Variants in NRG3 observed in about 807,000 individuals in gnomAD.
NRG3 encodes pro-neuregulin-3, membrane-bound isoform.
In NRG3, 31 loss-of-function variants were observed where a neutral mutation model predicts 66.9. The observed-to-expected ratio is 0.46, with a 90% confidence interval of 0.35 to 0.63. NRG3 has a LOEUF of 0.63. Ranked by LOEUF, NRG3 falls within the 20% of genes least tolerant of loss-of-function variation. The probability of loss-of-function intolerance (pLI) is 0.00; values close to 1 mark genes in which losing one functional copy is unlikely to be tolerated. For missense variants in NRG3, 910 were observed against 878.9 expected, an observed-to-expected ratio of 1.04 and a Z score of -0.45; for synonymous variants, 393 against 359.4, an observed-to-expected ratio of 1.09 and a Z score of -1.06.
At chr10:82,536,501 A>T (rs1165905303) in intron 2 of NRG3, among the ~76,000 whole-genome samples, 1 of 152,116 alleles carries the variant, frequency 6.6e-6, no homozygotes, top group Non-Finnish European at 1.5e-5. Flanking sequence ...GGGATGGGGA[A>T]TTGAGGTGTC....
At chr10:82,589,702 T>C (rs2046874154) in intron 2 of NRG3, among the ~76,000 whole-genome samples, 1 of 152,180 alleles carries the variant, frequency 6.6e-6, no homozygotes, top group South Asian at 2.1e-4. Context: ...AAGCTTAGAA[T>C]ACAATGAATC....
intron 2 of NRG3, among the ~76,000 whole-genome samples, chr10:82,422,654 A>C (rs1414163956): frequency 6.6e-6 from 1 of 151,938 alleles, no homozygotes; most frequent in African/African-American, 2.4e-5. Flanking sequence ...TTTTGTTTTG[A>C]ATTACTGTTT....
chr10:82,908,111 A>G (rs2068353), intron 4 of NRG3, among the ~76,000 whole-genome samples: 6,007 of 152,316 alleles, frequency 0.039, 139 homozygotes, highest in Middle Eastern at 0.1. Flanking sequence ...ATCTCACATC[A>G]CAAGAGACTT....
chr10:82,852,422 G>A (rs1311595376), intron 3 of NRG3, among the ~76,000 whole-genome samples: 1 of 151,772 alleles, frequency 6.6e-6, no homozygotes, highest in East Asian at 1.9e-4. Context: ...TAACAAGCTT[G>A]CACATTCAGC....
At chr10:82,011,476 A>G (rs550420706) in intron 1 of NRG3, among the ~76,000 whole-genome samples, 4 of 152,256 alleles carry the variant, frequency 2.6e-5, no homozygotes, top group Admixed American at 6.5e-5. Flanking sequence ...ATTTGAAAAC[A>G]CAATCATGCC....
intron 2 of NRG3, among the ~76,000 whole-genome samples, chr10:82,506,010 G>A (rs1482442284): frequency 6.6e-6 from 1 of 152,228 alleles, no homozygotes; most frequent in Non-Finnish European, 1.5e-5. Flanking sequence ...CACTTTGGGA[G>A]GCCGAGGCAG....
At chr10:82,202,544 A>T (rs35071290) in intron 1 of NRG3, among the ~76,000 whole-genome samples, 13 of 152,186 alleles carry the variant, frequency 8.5e-5, no homozygotes, top group Non-Finnish European at 1.8e-4. Flanking sequence ...GTAAACTTAC[A>T]TTATTTTCTA....
chr10:82,591,976 T>C (rs1254010366), intron 2 of NRG3, among the ~76,000 whole-genome samples: 2 of 152,192 alleles, frequency 1.3e-5, no homozygotes, highest in African/African-American at 4.8e-5. Context: ...ACAAAGCATT[T>C]CTGGGAAACA....
At chr10:82,931,633 G>A (rs544099427) in intron 4 of NRG3, among the ~76,000 whole-genome samples, 1 of 152,156 alleles carries the variant, frequency 6.6e-6, no homozygotes, top group Non-Finnish European at 1.5e-5. Flanking sequence ...CTCTTCTATT[G>A]GATTTTGAGG....
At chr10:81,944,684 A>G (rs1848688615) in intron 1 of NRG3, among the ~76,000 whole-genome samples, 1 of 152,110 alleles carries the variant, frequency 6.6e-6, no homozygotes, top group Non-Finnish European at 1.5e-5. Flanking sequence ...CTGAACCTAC[A>G]TAGGCTGAAA....
chr10:82,134,726 T>C (rs1382548022), intron 1 of NRG3, among the ~76,000 whole-genome samples: 1 of 152,180 alleles, frequency 6.6e-6, no homozygotes, highest in Non-Finnish European at 1.5e-5. Context: ...TGCTTAGGAT[T>C]GCCTTGGCTA....
At chr10:82,873,805 C>T (rs535368854) in intron 4 of NRG3, among the ~76,000 whole-genome samples, 11 of 152,066 alleles carry the variant, frequency 7.2e-5, no homozygotes, top group East Asian at 1.9e-4. Flanking sequence ...ATCGGGTAAA[C>T]GAAATGAATG....
intron 4 of NRG3, among the ~76,000 whole-genome samples, chr10:82,866,943 A>G (rs1840801468): frequency 6.6e-6 from 1 of 152,188 alleles, no homozygotes; most frequent in Admixed American, 6.5e-5. Flanking sequence ...TGGATATTCC[A>G]GTTACTCATG....
intron 1 of NRG3, among the ~76,000 whole-genome samples, chr10:82,186,062 T>C (rs1397513348): frequency 6.6e-6 from 1 of 152,196 alleles, no homozygotes; most frequent in East Asian, 1.9e-4. Flanking sequence ...TCTAAGTGTC[T>C]GTGTGGGCAT....
chr10:82,382,838 G>A (rs1283176055), intron 2 of NRG3, among the ~76,000 whole-genome samples: 5 of 151,858 alleles, frequency 3.3e-5, no homozygotes, highest in East Asian at 1.9e-4. Context: ...TTCTCATTAA[G>A]CTATTCATAT....
chr10:81,938,970 G>A (rs75918060), intron 1 of NRG3, among the ~76,000 whole-genome samples: 3,898 of 151,930 alleles, frequency 0.026, 71 homozygotes, highest in Non-Finnish European at 0.039. Context: ...ATCATGAAAG[G>A]GTACTTAATT....
At chr10:82,255,678 C>G (rs1465853970) in intron 1 of NRG3, among the ~76,000 whole-genome samples, 3 of 152,128 alleles carry the variant, frequency 2.0e-5, no homozygotes, top group African/African-American at 7.2e-5. Flanking sequence ...TCTCAGCTCA[C>G]TGCAACCTCT....
chr10:82,748,977 C>T (rs1047639061), intron 3 of NRG3, among the ~76,000 whole-genome samples: 32 of 152,036 alleles, frequency 2.1e-4, no homozygotes, highest in Non-Finnish European at 3.2e-4. Flanking sequence ...TGATTCCTCA[C>T]ATTGCTTCTC....
At chr10:82,607,043 T>G (rs937871735) in intron 2 of NRG3, among the ~76,000 whole-genome samples, 1 of 152,154 alleles carries the variant, frequency 6.6e-6, no homozygotes, top group African/African-American at 2.4e-5. Context: ...CTTGTTTGAC[T>G]GTCCTACAAT....
Sources: allele counts gnomAD v4.1 joint callset (sites outside exome capture counted in the v4.1 genomes callset), GRCh38; gene constraint gnomAD v4.1.1; transcripts MANE v1.5; gene names NCBI Gene and HGNC (gene_info 2026-07-23, HGNC 2026-07-21).